Variants in TENM2 observed in about 807,000 individuals in gnomAD.
TENM2 encodes teneurin transmembrane protein 2.
In TENM2, 52 loss-of-function variants were observed where a neutral mutation model predicts 245.2. The ratio of observed to expected loss-of-function variants is 0.21; its 90% CI spans 0.17 to 0.27. TENM2 has a LOEUF of 0.27. Ranked by LOEUF, TENM2 falls within the 10% of genes least tolerant of loss-of-function variation. The pLI, the probability that TENM2 is intolerant of heterozygous loss-of-function variation, is 1.00. For synonymous variants in TENM2, 1,363 were observed against 1,438.9 expected (o/e 0.95, Z 1.19); for missense variants, 3,046 against 3,666.8 (o/e 0.83, Z 4.37).
intron 3 of TENM2, among the ~76,000 whole-genome samples, chr5:167,912,767 A>G (rs1476336625): frequency 6.6e-6 from 1 of 152,220 alleles, no homozygotes; most frequent in Non-Finnish European, 1.5e-5. Context: ...TGGTCAAAGC[A>G]TAAGAAACTT....
At chr5:167,902,003 T>C (rs1157209572) in intron 3 of TENM2, among the ~76,000 whole-genome samples, 1 of 152,222 alleles carries the variant, frequency 6.6e-6, no homozygotes, top group African/African-American at 2.4e-5. Context: ...TTTTCCCATA[T>C]CCTAAGTAAT....
In TENM2 at chr5:168,023,436, C is replaced by T. The variant is rs146828337; in HGVS notation, c.1187-23991C>T. On this transcript the variant is annotated intron_variant, in intron 5 of 28. Transcript: ENST00000518659. ...TCTCTCTGGCAGCCTGGCCCGCCGA[C>T]GGCTGCCTGCCAGCTGACTTGCAGA... Among the ~76,000 whole-genome samples, 41 of 152,236 alleles carry T rather than the reference C, an allele frequency of 2.7e-4. No individual in the cohort carries two copies. In the East Asian group the frequency reaches 3.5e-3, roughly 13 times the overall value.
chr5:167,333,586 G>A (rs527273370), intron 1 of TENM2, among the ~76,000 whole-genome samples: 1 of 152,296 alleles, frequency 6.6e-6, no homozygotes, highest in Admixed American at 6.5e-5. Context: ...GATCGTTGAA[G>A]GACAGGCAAA....
intron 2 of TENM2, among the ~76,000 whole-genome samples, chr5:167,439,088 C>T (rs193050406): frequency 6.6e-6 from 1 of 152,198 alleles, no homozygotes; most frequent in Non-Finnish European, 1.5e-5. Context: ...GCCGCCGCAC[C>T]GGGCCGCCAA....
At chr5:167,844,389 C>T (rs1238957530) in intron 2 of TENM2, among the ~76,000 whole-genome samples, 1 of 152,156 alleles carries the variant, frequency 6.6e-6, no homozygotes, top group Non-Finnish European at 1.5e-5. Flanking sequence ...ACAAATTGGC[C>T]AACAGGGCCC....
intron 6 of TENM2, among the ~76,000 whole-genome samples, chr5:168,055,873 T>C (rs1789497212): frequency 6.6e-6 from 1 of 152,218 alleles, no homozygotes; most frequent in African/African-American, 2.4e-5. Flanking sequence ...GAGCTGGGAT[T>C]CAAACCCAGG....
Position 167,404,620 on chromosome 5 carries a change from C to G in TENM2, c.502+29147C>G, listed in dbSNP as rs1762529495. On this transcript the variant is annotated intron_variant, in intron 2 of 28. Coordinates refer to ENST00000518659, the Ensembl canonical transcript of TENM2. ...GAAACTGTATTTTTCACCATGGTCT[C>G]CAATGAAGATAAACCCAGTGCTGCT... Among the ~76,000 whole-genome samples the G allele has an allele frequency of 3.3e-5, 5 of 152,090 alleles. No individual in the cohort carries two copies. The South Asian group carries it at 1.0e-3, about 32-fold the overall frequency.
At chr5:167,601,194 T>C (rs887082982) in intron 2 of TENM2, among the ~76,000 whole-genome samples, 5 of 152,242 alleles carry the variant, frequency 3.3e-5, no homozygotes, top group Admixed American at 1.3e-4. Context: ...CCTGGTATAA[T>C]AGATGCTTGC....
intron 2 of TENM2, among the ~76,000 whole-genome samples, chr5:167,648,897 T>G (rs1030198355): frequency 1.3e-5 from 2 of 152,164 alleles, no homozygotes; most frequent in Non-Finnish European, 2.9e-5. Flanking sequence ...CTCAGGCAAA[T>G]GAGAAGGGCT....
intron 23 of TENM2, 88 bp downstream of exon 25, chr5:168,219,087 T>A: frequency 1.5e-6 from 2 of 1,330,860 alleles, no homozygotes; most frequent in Non-Finnish European, 2.1e-6. Flanking sequence ...CTTTTTAAAT[T>A]GCTTTGTCAC....
chr5:167,995,030 T>C (rs551238130), intron 5 of TENM2, among the ~76,000 whole-genome samples: 1 of 152,308 alleles, frequency 6.6e-6, no homozygotes, highest in South Asian at 2.1e-4. Context: ...GTTCCTGTGC[T>C]CACTTCTCAG....
At chr5:167,340,594 C>T (rs1319420634) in intron 1 of TENM2, among the ~76,000 whole-genome samples, 1 of 152,214 alleles carries the variant, frequency 6.6e-6, no homozygotes, top group Non-Finnish European at 1.5e-5. Context: ...TAACCTTAGT[C>T]ACCTCCTTAA....
chr5:167,210,283 T>G, the TENM2 span, among the ~76,000 whole-genome samples: 2 of 152,178 alleles, frequency 1.3e-5, no homozygotes, highest in Non-Finnish European at 2.9e-5. Flanking sequence ...TTACTGTGCT[T>G]CTTTCCCATA....
chr5:168,014,921 GCTGTC>G (rs1226291346), intron 5 of TENM2, among the ~76,000 whole-genome samples: 1 of 152,170 alleles, frequency 6.6e-6, no homozygotes, highest in Non-Finnish European at 1.5e-5. Context: ...CTGTTTCCAT[GCTGTC>G]CTCTGGCCTG....
intron 1 of TENM2, among the ~76,000 whole-genome samples, chr5:167,308,463 C>T (rs1401604893): frequency 6.6e-6 from 1 of 152,158 alleles, no homozygotes; most frequent in Non-Finnish European, 1.5e-5. Context: ...TACTTTGTAA[C>T]TCCTCAGCTC....
chr5:168,117,022 G>A (rs1208935781), intron 9 of TENM2, among the ~76,000 whole-genome samples: 1 of 152,172 alleles, frequency 6.6e-6, no homozygotes, highest in Non-Finnish European at 1.5e-5. Flanking sequence ...GGAAAGTTAG[G>A]CTCTTTACAA....
chr5:168,034,210 G>A (rs1346298573), intron 5 of TENM2, among the ~76,000 whole-genome samples: 2 of 148,172 alleles, frequency 1.3e-5, no homozygotes, highest in African/African-American at 2.5e-5. Flanking sequence ...AAGAGTTGTG[G>A]CACGTGCCTG....
intron 1 of TENM2, among the ~76,000 whole-genome samples, chr5:167,345,580 G>T (rs966598100): frequency 6.6e-6 from 1 of 152,206 alleles, no homozygotes; most frequent in East Asian, 1.9e-4. Flanking sequence ...TACTTGAAGA[G>T]AGATATGAAT....
At chr5:167,087,474 CA>C in the TENM2 span, among the ~76,000 whole-genome samples, 1 of 152,048 alleles carries the variant, frequency 6.6e-6, no homozygotes, top group African/African-American at 2.4e-5. Context: ...GAACTGAAAC[CA>C]ATTTGTTTAT....
Sources: gnomAD v4.1 joint callset for allele counts (sites outside exome capture counted in the v4.1 genomes callset) on GRCh38, gnomAD v4.1.1 for gene constraint, MANE v1.5 for transcripts, NCBI Gene and HGNC (gene_info 2026-07-23, HGNC 2026-07-21) for gene names.